Variants in GLUD1 observed in about 807,000 individuals in gnomAD.
The protein encoded by GLUD1 is glutamate dehydrogenase 1, mitochondrial.
In GLUD1, 22 loss-of-function variants were observed where a neutral mutation model predicts 56.0. The ratio of observed to expected loss-of-function variants is 0.39; its 90% CI spans 0.28 to 0.56. The LOEUF (loss-of-function observed/expected upper bound fraction) is 0.56. Ranked by LOEUF, GLUD1 falls within the 20% of genes least tolerant of loss-of-function variation. GLUD1 has a pLI of 0.58. For synonymous variants in GLUD1, 223 were observed against 269.9 expected (o/e 0.83, Z 1.70); for missense variants, 451 against 732.0 (o/e 0.62, Z 4.43).
At chr10:87,054,630 G>C (rs960060685) in intron 11 of GLUD1, among the ~76,000 whole-genome samples, 2 of 152,190 alleles carry the variant, frequency 1.3e-5, no homozygotes, top group African/African-American at 4.8e-5. Flanking sequence ...AAGTAAAGAA[G>C]AATTGGAGGC....
chr10:87,089,757 G>T, intron 1 of GLUD1: 1 of 966,970 alleles, frequency 1.0e-6, no homozygotes, highest in Non-Finnish European at 1.2e-6. Flanking sequence ...CGACTTGATA[G>T]TGAACACTTG....
chr10:87,053,317 A>G (rs1259741688), intron 12 of GLUD1, 25 bp downstream of exon 12: 9 of 1,543,516 alleles, frequency 5.8e-6, no homozygotes, highest in Non-Finnish European at 8.1e-6. Context: ...ACTAGCTGGA[A>G]GGCAAACAGC....
intron 1 of GLUD1, among the ~76,000 whole-genome samples, chr10:87,079,724 T>C (rs953047150): frequency 1.1e-4 from 17 of 152,078 alleles, no homozygotes; most frequent in African/African-American, 3.9e-4. Context: ...TCTCAACTAT[T>C]ACCACTGCTA....
chr10:87,092,940 GAC>G (rs747100570), intron 1 of GLUD1, among the ~76,000 whole-genome samples: 8 of 152,196 alleles, frequency 5.3e-5, no homozygotes, highest in Non-Finnish European at 1.0e-4. Flanking sequence ...GTAGGAGACT[GAC>G]GGTGTGTACA....
intron 1 of GLUD1, among the ~76,000 whole-genome samples, chr10:87,077,508 T>G (rs1268102844): frequency 6.6e-6 from 1 of 150,906 alleles, no homozygotes; most frequent in Non-Finnish European, 1.5e-5. Flanking sequence ...GGTTGAGTGA[T>G]TCCCTTCACC....
chr10:87,058,845 C>T (rs1367928107), intron 10 of GLUD1, among the ~76,000 whole-genome samples: 2 of 151,998 alleles, frequency 1.3e-5, no homozygotes, highest in African/African-American at 4.8e-5. Flanking sequence ...AAGCCGAGTT[C>T]GTGCCACTGC....
intron 1 of GLUD1, among the ~76,000 whole-genome samples, chr10:87,088,176 G>GT (rs201899869): frequency 0.15 from 21,029 of 143,182 alleles, 2,259 homozygotes; most frequent in East Asian, 0.63. Context: ...ACTTTGTTTT[G>GT]TTTTTTTTTT....
chr10:87,080,166 C>T (rs889030337), intron 1 of GLUD1, among the ~76,000 whole-genome samples: 12 of 152,134 alleles, frequency 7.9e-5, no homozygotes, highest in African/African-American at 2.4e-4. Context: ...TCTCCAGCTC[C>T]TAACCGCGAG....
intron 1 of GLUD1, among the ~76,000 whole-genome samples, chr10:87,086,832 GAAAA>G (rs367807316): frequency 0.058 from 4,090 of 70,454 alleles, 180 homozygotes; most frequent in African/African-American, 0.18. Context: ...CCGTCTCAAA[GAAAA>G]AAAAAAAAAA....
At position 87,094,261 on chromosome 10, in the gene GLUD1, G is replaced by C. The variant is rs1333399713; in HGVS notation, c.445+64C>G. The C allele has an allele frequency of 3.3e-6, 5 of 1,531,734 alleles. No individual in the cohort carries two copies. The Admixed American group carries it at 9.8e-5, about 30-fold the overall frequency. The allele number at this position is 1,531,734 out of a possible 1,614,324, so 94.9% of individuals were successfully genotyped here. A position where few individuals can be genotyped will look rare whatever the true frequency, so the allele number is the denominator to read the frequency against. On this transcript the variant is annotated intron_variant, in intron 1 of 12. Coordinates refer to ENST00000277865, the MANE Select transcript of GLUD1 (RefSeq NM_005271.5). The surrounding 1 kb of genome is among the most constrained non-coding windows in gnomAD (Gnocchi z 6.6). ...CTGAGCAGCGGCCCCGCACCGGCAG[G>C]AGGCCGGAGGGGAGGGCCGCAGGGG...
chr10:87,059,514 A>G (rs761699425), intron 9 of GLUD1, among the ~76,000 whole-genome samples: 6 of 152,162 alleles, frequency 3.9e-5, no homozygotes, highest in Non-Finnish European at 8.8e-5. Context: ...TTAATCAAGG[A>G]AAGTTAATAA....
At chr10:87,056,115 C>CAAAAAAAAAAAAAAAA (rs201114912) in intron 11 of GLUD1, among the ~76,000 whole-genome samples, 1 of 62,758 alleles carries the variant, frequency 1.6e-5, no homozygotes, top group Non-Finnish European at 2.8e-5. Flanking sequence ...GACTCTGTCT[C>CAAAAAAAAAAAAAAAA]AAAAAAAAAA....
At chr10:87,092,528 G>T in intron 1 of GLUD1, 1 of 415,866 alleles carries the variant, frequency 2.4e-6, no homozygotes, top group Non-Finnish European at 3.2e-6. Context: ...TTTGTTGCTA[G>T]GTTCAATATT....
chr10:87,083,474 T>G (rs1190599383), intron 1 of GLUD1, among the ~76,000 whole-genome samples: 1 of 152,178 alleles, frequency 6.6e-6, no homozygotes, highest in Non-Finnish European at 1.5e-5. Context: ...TCAGAAAATC[T>G]TAAAATATTT....
Position 87,074,465 on chromosome 10 carries a change from G to A in GLUD1, c.646+86C>T, listed in dbSNP as rs138791666. On this transcript the variant is annotated intron_variant, in intron 4 of 12. Transcript: ENST00000277865. ...ATCGCACCACTGCACTCTAGTCTGG[G>A]CAACAGAGTGAGACTCCGTCTCAAA... 1,247 of 787,828 alleles carry A rather than the reference G, an allele frequency of 1.6e-3. 16 individuals are homozygous for A. In the African/African-American group the frequency reaches 0.02, roughly 12 times the overall value. 48.8% of individuals were successfully genotyped at this position (787,828 alleles called of 1,614,324 possible). A position where few individuals can be genotyped will look rare whatever the true frequency, so the allele number is the denominator to read the frequency against.
intron 1 of GLUD1, chr10:87,089,460 T>C (rs1047603686): frequency 1.1e-5 from 2 of 184,088 alleles, no homozygotes; most frequent in Non-Finnish European, 2.1e-5. Flanking sequence ...CTTACATGCA[T>C]TGTTGCTATA....
At chr10:87,068,606 A>T (rs1246854850) in intron 4 of GLUD1, among the ~76,000 whole-genome samples, 2 of 152,192 alleles carry the variant, frequency 1.3e-5, no homozygotes, top group African/African-American at 4.8e-5. Context: ...TGGGGGTATA[A>T]GCCCTCCTTA....
chr10:87,078,032 C>T (rs752384298), intron 1 of GLUD1, among the ~76,000 whole-genome samples: 1 of 152,150 alleles, frequency 6.6e-6, no homozygotes, highest in Non-Finnish European at 1.5e-5. Context: ...AGCTTTCTTA[C>T]ATGTTTCTGA....
Position 87,094,681 on chromosome 10 carries a change from A to G in GLUD1, c.89T>C (p.Leu30Pro). ...GSASADSAALLGWARGQPAAA... is the reference protein window; with the variant it reads ...GSASADSAALPGWARGQPAAA... Reference sequence around the variant, plus strand: ...GGCGGGCTGTCCCCGGGCCCAGCCCAGCAACGCGGCCGAGTCGGCGGACGC... The same window carrying G: ...GGCGGGCTGTCCCCGGGCCCAGCCCGGCAACGCGGCCGAGTCGGCGGACGC... Residue 30 changes from leucine to proline, a missense_variant, in exon 1 of 13, where the codon CTG becomes CCG. Transcript: ENST00000277865. This position sits in a 1 kb window ranked among gnomAD's most constrained non-coding sequence, Gnocchi z 6.6. The G allele has an allele frequency of 6.6e-7, 1 of 1,512,234 alleles. No individual in the cohort carries two copies. Among genetic ancestry groups the G allele is most frequent in the Non-Finnish European group, 8.8e-7 (1 of 1,130,582 alleles). 93.7% of individuals were successfully genotyped at this position (1,512,234 alleles called of 1,614,324 possible).
Sources: allele counts gnomAD v4.1 joint callset (sites outside exome capture counted in the v4.1 genomes callset), GRCh38; gene constraint gnomAD v4.1.1; non-coding constraint Gnocchi (gnomAD v3.1); transcripts MANE v1.5; gene names NCBI Gene and HGNC (gene_info 2026-07-23, HGNC 2026-07-21).